The following DCST1 variants were observed in gnomAD, a reference collection of about 807,000 sequenced individuals.
DCST1 encodes E3 ubiquitin-protein ligase DCST1.
Under a neutral mutation model 89.1 loss-of-function variants are expected in DCST1, and 78 were observed. The ratio of observed to expected loss-of-function variants is 0.88; its 90% CI spans 0.73 to 1.06. The LOEUF (loss-of-function observed/expected upper bound fraction) is 1.06, where lower values mean the gene tolerates loss of function less well. DCST1 is among the 50% of genes least tolerant of loss of function. The pLI is 0.00. For missense variants in DCST1, 900 were observed against 928.6 expected, an observed-to-expected ratio of 0.97 and a Z score of 0.40; for synonymous variants, 364 against 371.9, an observed-to-expected ratio of 0.98 and a Z score of 0.24.
intron 9 of DCST1, 104 bp from the exon 10 acceptor site, chr1:155,043,248 C>T (rs1660488760): frequency 6.4e-7 from 1 of 1,558,316 alleles, no homozygotes; most frequent in South Asian, 1.2e-5. Context: ...TGGGAGGGCC[C>T]CAGGGACACA....
Position 155,043,508 on chromosome 1 carries a change from G to T in DCST1, c.1171G>T (p.Ala391Ser). 1 of 1,582,738 alleles carries T rather than the reference G, an allele frequency of 6.3e-7. No homozygotes were observed. Among genetic ancestry groups the T allele is most frequent in the Admixed American group, 1.7e-5 (1 of 57,960 alleles). The change falls in exon 10 of 17, where the codon GCG (alanine) becomes TCG (serine). Residue 391 changes from alanine to serine, a missense_variant and splice_region_variant. Ala to Ser is a moderately conservative substitution (Grantham distance 99). Transcript: ENST00000295542. ...LSCTFLLVLH[A>S]SFSYMDSYNH... The stretch of plus-strand genomic sequence containing the variant: ...CTGCACTTTCCTGCTGGTCCTGCAT[G>T]CGTGAGCCATAGTCCCCACCCCAGC...
chr1:155,036,342 T>C (rs1660278345), intron 4 of DCST1, among the ~76,000 whole-genome samples: 1 of 152,334 alleles, frequency 6.6e-6, no homozygotes, highest in Non-Finnish European at 1.5e-5. Flanking sequence ...CACAGCCCCT[T>C]AGATTTCTGG....
rs545071115 is a variant in DCST1 at position 155,045,568 on chromosome 1, T to C, written c.1173-325T>C. 11 of 384,214 alleles carry C rather than the reference T, an allele frequency of 2.9e-5. No homozygotes were observed. The East Asian group carries it at 6.5e-4, about 23-fold the overall frequency. The allele number at this position is 384,214 out of a possible 1,614,324, so 23.8% of individuals were successfully genotyped here. A position where few individuals can be genotyped will look rare whatever the true frequency, so the allele number is the denominator to read the frequency against. On this transcript the variant is annotated intron_variant, in intron 10 of 16. Transcript: ENST00000295542. ...CTCGATATTCATCCTGTAAGATGCA[T>C]GCCTGTCCCTACCTCAGATGCACAC...
At chr1:155,040,403 A>G (rs1660404914) in intron 5 of DCST1, 82 bp from the exon 6 acceptor site, 2 of 1,470,488 alleles carry the variant, frequency 1.4e-6, no homozygotes, top group Non-Finnish European at 1.8e-6. Context: ...GGCGATGGGC[A>G]CTATTTGCAG....
At chr1:155,046,025 T>C in intron 11 of DCST1, 33 bp downstream of exon 11, 1 of 1,613,218 alleles carries the variant, frequency 6.2e-7, no homozygotes. Context: ...GGGGATGCCT[T>C]GCTGCTGTGT....
chr1:155,047,695 A>G (rs1660700934), intron 14 of DCST1, 92 bp from the exon 15 acceptor site: 1 of 1,153,140 alleles, frequency 8.7e-7, no homozygotes, highest in Non-Finnish European at 1.3e-6. Flanking sequence ...GAATCAGAGG[A>G]CTGCACCTCC....
intron 14 of DCST1, 126 bp from the exon 15 acceptor site, chr1:155,047,661 G>A: frequency 1.2e-6 from 1 of 821,956 alleles, no homozygotes; most frequent in South Asian, 1.7e-5. Flanking sequence ...TCTGCAGTGA[G>A]GGGCAGGCAG....
intron 2 of DCST1, 24 bp downstream of exon 2, chr1:155,034,121 G>C (rs1171041591): frequency 1.2e-6 from 2 of 1,613,678 alleles, no homozygotes; most frequent in East Asian, 2.2e-5. Context: ...CAGAGACCCA[G>C]TATCCCTTGA....
chr1:155,040,438 A>T lies in DCST1; in HGVS notation c.392-47A>T, dbSNP rs772591961. Reference sequence around the variant, plus strand: ...GAGGGAAGCTGAGCGGGTTTGAGAAAGTGCTGGTTATACAGGGAGGTGACC... The same window carrying T: ...GAGGGAAGCTGAGCGGGTTTGAGAATGTGCTGGTTATACAGGGAGGTGACC... On this transcript the variant is annotated intron_variant, in intron 5 of 16. Transcript: ENST00000295542. 2.6e-5 allele frequency: 41 copies of T among 1,560,248 alleles called. No individual in the cohort carries two copies. The South Asian group carries it at 4.6e-4, about 18-fold the overall frequency.
At position 155,040,545 on chromosome 1, in the gene DCST1, T is replaced by C. The variant is rs1660409849; in HGVS notation, c.452T>C (p.Val151Ala). 3 of 1,593,154 alleles carry C rather than the reference T, an allele frequency of 1.9e-6. No homozygotes were observed. The highest frequency in any genetic ancestry group is 1.1e-5 in the South Asian group (1 of 87,752). The change falls in exon 6 of 17, where the codon GTG becomes GCG. Residue 151 changes from valine (V) to alanine (A), a missense_variant. Transcript: ENST00000295542. ...NNVIASLGCTVELQINNTRAA... is the reference protein window; with the variant it reads ...NNVIASLGCTAELQINNTRAA... ...GTGATCGCATCGCTGGGCTGCACCG[T>C]GGAGCTGCAGATCAACAACACCCGC...
chr1:155,045,943 T>C lies in DCST1; in HGVS notation c.1223T>C (p.Ile408Thr), dbSNP rs773243473. 6.2e-7 allele frequency: 1 copy of C among 1,614,220 alleles called. No homozygotes were observed. Among genetic ancestry groups the C allele is most frequent in the Non-Finnish European group, 8.5e-7 (1 of 1,180,046 alleles). The change falls in exon 11 of 17, where the codon ATC (isoleucine) becomes ACC (threonine). Residue 408 changes from isoleucine (I) to threonine (T), a missense_variant. By Grantham distance (89) the Ile-to-Thr change is moderately conservative. Coordinates refer to ENST00000295542, the MANE Select transcript of DCST1 (RefSeq NM_152494.4). ...AACCATGACATTCGTTTTGACAACA[T>C]CTACATCAGTACCTACTTCTGCCAG... ...SYNHDIRFDN[I>T]YISTYFCQID...
chr1:155,047,120 C>A, intron 13 of DCST1, 76 bp from the exon 14 acceptor site: 5 of 1,186,072 alleles, frequency 4.2e-6, no homozygotes, highest in South Asian at 2.4e-5. Context: ...TTGACCCCTC[C>A]CTGACATCCA....
intron 14 of DCST1, 121 bp from the exon 15 acceptor site, chr1:155,047,666 A>G: frequency 1.2e-6 from 1 of 849,828 alleles, no homozygotes; most frequent in Non-Finnish European, 1.8e-6. Context: ...AGTGAGGGGC[A>G]GGCAGGAGGA....
rs372806634 is a variant in DCST1, at chr1:155,048,853, G to C, written c.1869+683G>C. On this transcript the variant is annotated intron_variant, in intron 16 of 16. Transcript: ENST00000295542. ...CAGAGGGCTGCAGACCAGAAGCTCA[G>C]TGCAGTTCAAGGGACAGGAGGAGGC... 404 of 579,554 alleles carry C rather than the reference G, an allele frequency of 7.0e-4. 4 individuals carry two copies. Among genetic ancestry groups the C allele is most frequent in the African/African-American group, 6.7e-3 (361 of 53,538 alleles). The allele number at this position is 579,554 out of a possible 1,614,324, so 35.9% of individuals were successfully genotyped here. A position where few individuals can be genotyped will look rare whatever the true frequency, so the allele number is the denominator to read the frequency against.
At chr1:155,047,677 G>C (rs1660700642) in intron 14 of DCST1, 110 bp from the exon 15 acceptor site, 2 of 963,870 alleles carry the variant, frequency 2.1e-6, no homozygotes, top group Non-Finnish European at 1.6e-6. Context: ...GGCAGGAGGA[G>C]AGCAGGGGAA....
rs557422702 is a variant in DCST1, at chr1:155,038,332, CA to C, written c.263-1068del. 3.2e-3 allele frequency among the ~76,000 whole-genome samples: 495 copies of C among 152,312 alleles called. 3 individuals carry two copies. Among genetic ancestry groups the C allele is most frequent in the Middle Eastern group, 0.014 (4 of 294 alleles). On this transcript the variant is annotated intron_variant, in intron 4 of 16. Coordinates refer to ENST00000295542, the MANE Select transcript of DCST1 (RefSeq NM_152494.4). ...ATGTTAGGGAGTTCGGATTTTATAC[CA>C]AATGTGGTAGAAAGCCACCGAATGG...
chr1:155,050,092 CAA>C (rs985492181), intron 16 of DCST1, among the ~76,000 whole-genome samples: 1 of 152,210 alleles, frequency 6.6e-6, no homozygotes, highest in Non-Finnish European at 1.5e-5. Context: ...GTTTCTTGGG[CAA>C]AGAGTGGCTG....
rs771386208 is a variant in DCST1, at chr1:155,042,748, G to A, written c.906G>A (p.Trp302Ter). ...FCGIAKVMEV[W>*]CRNRIPVEGN... Reference sequence around the variant, plus strand: ...ACTGTTCACCAGTGATGGAGGTTTGGTGCCGCAATCGCATCCCAGTGGAAG... The same window carrying A: ...ACTGTTCACCAGTGATGGAGGTTTGATGCCGCAATCGCATCCCAGTGGAAG... Residue 302 changes from tryptophan (W) to a stop codon, truncating the protein, a stop_gained, in exon 9 of 17, where the codon TGG (tryptophan) becomes TGA (stop). Coordinates refer to ENST00000295542, the MANE Select transcript of DCST1 (RefSeq NM_152494.4). LOFTEE classifies it high-confidence loss of function. The A allele has an allele frequency of 6.2e-7, 1 of 1,614,214 alleles. No homozygotes were observed. Among genetic ancestry groups the A allele is most frequent in the Admixed American group, 1.7e-5 (1 of 60,036 alleles).
intron 4 of DCST1, among the ~76,000 whole-genome samples, chr1:155,035,651 C>T (rs1056384553): frequency 2.0e-5 from 3 of 152,066 alleles, no homozygotes; most frequent in African/African-American, 4.8e-5. Flanking sequence ...AGAAACAGGC[C>T]AGGCACAATG....
Sources: gnomAD v4.1 joint callset for allele counts (sites outside exome capture counted in the v4.1 genomes callset) on GRCh38, gnomAD v4.1.1 for gene constraint, MANE v1.5 for transcripts, NCBI Gene and HGNC (gene_info 2026-07-23, HGNC 2026-07-21) for gene names.